POLN: variants seen among roughly 807,000 people sequenced by gnomAD.
POLN encodes DNA polymerase nu.
In POLN, 108 loss-of-function variants were observed where a neutral mutation model predicts 113.5. The observed-to-expected ratio is 0.95, with a 90% CI of 0.81 to 1.12. The LOEUF (loss-of-function observed/expected upper bound fraction) is 1.12. POLN is among the 50% of genes most tolerant of loss of function. The pLI, the probability that POLN is intolerant of heterozygous loss-of-function variation, is 0.00. For synonymous variants in POLN, 386 were observed against 391.5 expected, an observed-to-expected ratio of 0.99 and a Z score of 0.17; for missense variants, 1,097 against 1,077.1, an observed-to-expected ratio of 1.02 and a Z score of -0.26.
At chr4:2,152,657 G>A (rs1170125377) in intron 16 of POLN, among the ~76,000 whole-genome samples, 1 of 151,560 alleles carries the variant, frequency 6.6e-6, no homozygotes, top group African/African-American at 2.4e-5. Context: ...AACCTACATA[G>A]TATTTTCTTA....
At chr4:2,083,618 G>A (rs549564634) in intron 21 of POLN, among the ~76,000 whole-genome samples, 37 of 152,322 alleles carry the variant, frequency 2.4e-4, no homozygotes, top group Non-Finnish European at 4.0e-4. Context: ...CATACTCGAG[G>A]TGCCTTCCGG....
chr4:2,207,266 G>A (rs1017330258), intron 5 of POLN, among the ~76,000 whole-genome samples: 2 of 152,086 alleles, frequency 1.3e-5, no homozygotes, highest in Non-Finnish European at 2.9e-5. Flanking sequence ...TGGGAAGGGG[G>A]TGAGGGATAA....
chr4:2,157,453 G>A (rs1270946404), intron 15 of POLN, among the ~76,000 whole-genome samples: 2 of 152,136 alleles, frequency 1.3e-5, no homozygotes, highest in African/African-American at 4.8e-5. Flanking sequence ...TCGGCTGGGT[G>A]AGGTAGCTCA....
intron 16 of POLN, among the ~76,000 whole-genome samples, chr4:2,147,633 TTTTTC>T (rs563790250): frequency 3.0e-5 from 2 of 67,662 alleles, no homozygotes; most frequent in Non-Finnish European, 4.8e-5. Flanking sequence ...AGACATCCAG[TTTTTC>T]TTTTCTTTTT....
intron 11 of POLN, 62 bp from the exon 12 acceptor site, chr4:2,171,243 T>C: frequency 1.3e-6 from 2 of 1,497,582 alleles, no homozygotes; most frequent in Admixed American, 3.5e-5. Flanking sequence ...GATTGTTTAA[T>C]TTGTTCATCA....
intron 16 of POLN, chr4:2,139,582 C>G (rs943666284): frequency 1.3e-5 from 2 of 152,176 alleles, no homozygotes; most frequent in Non-Finnish European, 2.9e-5. Flanking sequence ...GGGGATGGCT[C>G]AGTTTACTCT....
At chr4:2,110,449 G>A (rs1214434423) in intron 19 of POLN, among the ~76,000 whole-genome samples, 1 of 152,122 alleles carries the variant, frequency 6.6e-6, no homozygotes, top group South Asian at 2.1e-4. Context: ...ATGAATCCAG[G>A]ACCTGGTTTT....
Position 2,123,605 on chromosome 4 carries a change from A to G in POLN, c.1982+4508T>C, listed in dbSNP as rs1213570857. On this transcript the variant is annotated intron_variant, in intron 19 of 25. Coordinates refer to ENST00000511885, the MANE Select transcript of POLN (RefSeq NM_181808.4). ...GCACCACTGCTCTCCAGTCTGGGCG[A>G]CAGGGTGAGACCCTGTCTCAAAAAA... 4.8e-5 allele frequency among the ~76,000 whole-genome samples: 7 copies of G among 145,974 alleles called. No individual in the cohort carries two copies. In the South Asian group the frequency reaches 1.1e-3, roughly 23 times the overall value.
intron 8 of POLN, among the ~76,000 whole-genome samples, chr4:2,176,910 C>G (rs1326016504): frequency 6.6e-6 from 1 of 152,130 alleles, no homozygotes. Flanking sequence ...AGTGCCAGGA[C>G]CTCTTCAACA....
In POLN at chr4:2,119,681, T is replaced by C. The variant is rs570013710; in HGVS notation, c.1982+8432A>G. ...AAATTGCCTTTTTGCTTTTTGTGTT[T>C]CAAACAATAAGGCATTTACATGAAA... On this transcript the variant is annotated intron_variant, in intron 19 of 25. Coordinates refer to ENST00000511885, the MANE Select transcript of POLN (RefSeq NM_181808.4). 2.0e-5 allele frequency among the ~76,000 whole-genome samples: 3 copies of C among 152,332 alleles called. No individual in the cohort carries two copies. In the South Asian group the frequency reaches 6.2e-4, roughly 32 times the overall value.
chr4:2,209,525 C>G (rs1307808452), intron 4 of POLN, among the ~76,000 whole-genome samples: 3 of 151,114 alleles, frequency 2.0e-5, no homozygotes, highest in Non-Finnish European at 4.4e-5. Flanking sequence ...AATAGCAGTT[C>G]TCTCATTCCA....
intron 16 of POLN, among the ~76,000 whole-genome samples, chr4:2,151,848 A>G (rs1732304037): frequency 6.6e-6 from 1 of 152,176 alleles, no homozygotes; most frequent in Admixed American, 6.5e-5. Flanking sequence ...AGATATTACA[A>G]AGAGACACAA....
intron 19 of POLN, among the ~76,000 whole-genome samples, chr4:2,106,982 T>C (rs1213669837): frequency 6.6e-6 from 1 of 152,164 alleles, no homozygotes. Context: ...TACATATTAA[T>C]GTAAGGAGAA....
rs1433528477 is a variant in POLN at position 2,075,449 on chromosome 4, TACCTG to T, written c.2453_2455+2del. 3.5e-5 allele frequency: 57 copies of T among 1,613,360 alleles called. No individual in the cohort carries two copies. The Admixed American group carries it at 9.5e-4, about 27-fold the overall frequency. ...CAAGCAACCCTGTGTTGCCCCAGGC[TACCTG>T]CACACTCCGGGATCTGCGGATCTTC... On this transcript the variant is annotated splice_donor_variant and coding_sequence_variant, in exon 24 of 26. Coordinates refer to ENST00000511885, the MANE Select transcript of POLN (RefSeq NM_181808.4). LOFTEE classifies it high-confidence loss of function.
At chr4:2,140,332 C>T (rs1023293534) in intron 16 of POLN, among the ~76,000 whole-genome samples, 1 of 152,226 alleles carries the variant, frequency 6.6e-6, no homozygotes, top group Admixed American at 6.5e-5. Flanking sequence ...CCGCCTCAGC[C>T]TCCCAAAGTG....
At chr4:2,209,094 A>C (rs1019606974) in intron 4 of POLN, among the ~76,000 whole-genome samples, 8 of 152,220 alleles carry the variant, frequency 5.3e-5, no homozygotes, top group Admixed American at 2.0e-4. Context: ...ATAAGAGAGA[A>C]GATTAATAAT....
At position 2,208,158 on chromosome 4, in the gene POLN, G is replaced by A. The variant is rs201658007; in HGVS notation, c.543C>T (p.Ala181=). 1.1e-5 allele frequency: 18 copies of A among 1,613,988 alleles called. No homozygotes were observed. Among genetic ancestry groups the A allele is most frequent in the East Asian group, 2.2e-5 (1 of 44,876 alleles). Residue 181 remains alanine (A), a synonymous_variant, in exon 5 of 26, where the codon GCC becomes GCT. Coordinates refer to ENST00000511885, the MANE Select transcript of POLN (RefSeq NM_181808.4). The stretch of plus-strand genomic sequence containing the variant: ...AGTTCCCAGAATTTAGGTAGCCTTC[G>A]GCGTCATCAGTATCTTCTTCCAATG... ...QMALEEDTDD[A]EGYLNSGNSG... is the part of the protein sequence containing the mutation.
intron 19 of POLN, among the ~76,000 whole-genome samples, chr4:2,123,539 C>T (rs557164250): frequency 1.5e-4 from 22 of 149,454 alleles, no homozygotes; most frequent in Admixed American, 4.7e-4. Context: ...AGGCAGGAAT[C>T]GCTTGATCCT....
intron 3 of POLN, among the ~76,000 whole-genome samples, chr4:2,223,927 TAC>T (rs1270248371): frequency 2.6e-5 from 4 of 152,218 alleles, no homozygotes; most frequent in African/African-American, 9.6e-5. Flanking sequence ...ACAAACACTA[TAC>T]ACTTAGGACA....
Sources: gnomAD v4.1 joint callset for allele counts (sites outside exome capture counted in the v4.1 genomes callset) on GRCh38, gnomAD v4.1.1 for gene constraint, MANE v1.5 for transcripts, NCBI Gene and HGNC (gene_info 2026-07-23, HGNC 2026-07-21) for gene names.